RIPOR2: variants seen among roughly 807,000 people sequenced by gnomAD.
RIPOR2 encodes the protein RHO family interacting cell polarization regulator 2.
A neutral mutation model predicts 114.5 loss-of-function variants in RIPOR2; 39 were observed. That is an observed-to-expected ratio of 0.34 (90% confidence interval 0.26 to 0.44). RIPOR2 has a LOEUF of 0.44. Ranked by LOEUF, RIPOR2 falls within the 20% of genes least tolerant of loss-of-function variation. RIPOR2 has a pLI of 1.00. For synonymous variants in RIPOR2, 445 were observed against 484.4 expected (o/e 0.92, Z 1.07); for missense variants, 1,007 against 1,255.1 (o/e 0.80, Z 2.99).
rs534528713 is a variant in RIPOR2, at chr6:25,018,788, C to T, written c.76+23063G>A. On this transcript the variant is annotated intron_variant, in intron 1 of 13. Transcript: ENST00000510784. ...CTGAAGCACGTGCCTAGCTGTCCTA[C>T]TTATCATGATATTAAGATTGATTTG... 3.0e-4 allele frequency among the ~76,000 whole-genome samples: 45 copies of T among 152,274 alleles called. No homozygotes were observed. In the South Asian group the frequency reaches 3.1e-3, roughly 11 times the overall value.
At chr6:24,884,622 G>A (rs1208892645) in intron 1 of RIPOR2, among the ~76,000 whole-genome samples, 1 of 152,200 alleles carries the variant, frequency 6.6e-6, no homozygotes, top group Non-Finnish European at 1.5e-5. Context: ...ACCAGGGCCA[G>A]ATGTTCTAAC....
chr6:24,839,313 C>T (rs954318494), intron 13 of RIPOR2, 41 bp from the exon 14 acceptor site: 3 of 1,513,984 alleles, frequency 2.0e-6, no homozygotes, highest in East Asian at 2.5e-5. Flanking sequence ...TCAACATATC[C>T]GGAAAGAGAA....
chr6:25,036,915 A>G (rs143080278), intron 1 of RIPOR2, among the ~76,000 whole-genome samples: 685 of 152,240 alleles, frequency 4.5e-3, no homozygotes, highest in African/African-American at 0.015. Context: ...ATGTGAGGGT[A>G]GGGTGCCTGG....
rs181585692 is a variant in RIPOR2 at position 24,909,378 on chromosome 6, T to C, written c.61+26460A>G. Among the ~76,000 whole-genome samples the C allele has an allele frequency of 1.2e-4, 19 of 152,124 alleles. No homozygotes were observed. In the East Asian group the frequency reaches 3.5e-3, roughly 28 times the overall value. On this transcript the variant is annotated intron_variant, in intron 1 of 21. Coordinates refer to ENST00000643898, the MANE Select transcript of RIPOR2 (RefSeq NM_001286445.3). ...GTTCGTGGCTGACATCCCCTGCTTG[T>C]GACAGCAGCTAAAATACAATTTGAG...
At chr6:24,914,292 C>T (rs556900035) in intron 1 of RIPOR2, among the ~76,000 whole-genome samples, 1 of 152,084 alleles carries the variant, frequency 6.6e-6, no homozygotes, top group Non-Finnish European at 1.5e-5. Flanking sequence ...GCCGAGATTA[C>T]GTCACTGCGC....
chr6:24,841,070 A>G (rs1379899965), intron 13 of RIPOR2, among the ~76,000 whole-genome samples: 1 of 152,222 alleles, frequency 6.6e-6, no homozygotes, highest in African/African-American at 2.4e-5. Context: ...GAACAACAGC[A>G]GACTGAAATA....
chr6:24,807,821 C>T (rs1474132554), intron 21 of RIPOR2, among the ~76,000 whole-genome samples: 1 of 152,192 alleles, frequency 6.6e-6, no homozygotes, highest in Non-Finnish European at 1.5e-5. Context: ...TAAGTGCCCG[C>T]AATGACCTTC....
intron 1 of RIPOR2, among the ~76,000 whole-genome samples, chr6:24,978,711 C>A (rs1164281729): frequency 6.6e-6 from 1 of 152,144 alleles, no homozygotes; most frequent in Non-Finnish European, 1.5e-5. Context: ...AGTTGTGAGG[C>A]CTTCGGCAGG....
rs1304084825 is a variant in RIPOR2 at position 24,973,635 on chromosome 6, T to A, written c.76+68216A>T. 2.7e-5 allele frequency among the ~76,000 whole-genome samples: 4 copies of A among 149,358 alleles called. No individual in the cohort carries two copies. The East Asian group carries it at 5.9e-4, about 22-fold the overall frequency. On this transcript the variant is annotated intron_variant, in intron 1 of 13. Transcript: ENST00000510784. Reference sequence around the variant, plus strand: ...AAGTCATCCTTCTACCAAAAAGACATATGCACTCACATGTTCATCACAGCA... The same window carrying A: ...AAGTCATCCTTCTACCAAAAAGACAAATGCACTCACATGTTCATCACAGCA...
chr6:24,841,409 C>T lies in RIPOR2; in HGVS notation c.1857+1453G>A, dbSNP rs142781008. ...GTAGATTCAGAGTGCCCTTCTGTTT[C>T]TCGGAGGCTATGCCATCAACTGAAC... On this transcript the variant is annotated intron_variant, in intron 13 of 21. Transcript: ENST00000643898. 1.2e-3 allele frequency among the ~76,000 whole-genome samples: 188 copies of T among 152,134 alleles called. 1 individual carries two copies. Among genetic ancestry groups the T allele is most frequent in the Non-Finnish European group, 2.4e-3 (163 of 68,004 alleles).
intron 1 of RIPOR2, among the ~76,000 whole-genome samples, chr6:25,022,575 G>GTTTT (rs1776386079): frequency 2.4e-4 from 7 of 29,226 alleles, no homozygotes; most frequent in South Asian, 1.5e-3. Flanking sequence ...TTTTAGACAG[G>GTTTT]TTCTTGTTCT....
chr6:25,007,468 A>G (rs1285077752), intron 1 of RIPOR2, among the ~76,000 whole-genome samples: 1 of 152,234 alleles, frequency 6.6e-6, no homozygotes, highest in African/African-American at 2.4e-5. Context: ...TGACATACTG[A>G]AAAATGTTAC....
At position 24,927,171 on chromosome 6, in the gene RIPOR2, C is replaced by CACCACCACCACCACTACAACTACAGTT. The variant is rs1770956466; in HGVS notation, c.61+8666_61+8667insAACTGTAGTTGTAGTGGTGGTGGTGGT. Among the ~76,000 whole-genome samples, 2 of 4,606 alleles carry CACCACCACCACCACTACAACTACAGTT rather than the reference C, an allele frequency of 4.3e-4. 1 individual carries two copies. Among genetic ancestry groups the CACCACCACCACCACTACAACTACAGTT allele is most frequent in the Non-Finnish European group, 9.6e-4 (2 of 2,074 alleles). 3.0% of individuals were successfully genotyped at this position (4,606 alleles called of 152,430 possible). A position where few individuals can be genotyped will look rare whatever the true frequency, so the allele number is the denominator to read the frequency against. On this transcript the variant is annotated intron_variant, in intron 1 of 21. Transcript: ENST00000643898. Reference sequence around the variant, plus strand: ...CCACCACCACCACCACAACTACAATCACCACCACCATGACCACCACCACAA... The same window carrying CACCACCACCACCACTACAACTACAGTT: ...CCACCACCACCACCACAACTACAATCACCACCACCACCACTACAACTACAGTTACCACCACCATGACCACCACCACAA...
intron 1 of RIPOR2, among the ~76,000 whole-genome samples, chr6:24,882,152 G>A (rs893203389): frequency 5.3e-5 from 8 of 152,180 alleles, no homozygotes; most frequent in African/African-American, 1.7e-4. Context: ...ACGGGGAAAT[G>A]TTTGGAATGT....
chr6:24,952,534 A>T (rs1278743671), intron 1 of RIPOR2, among the ~76,000 whole-genome samples: 3 of 152,260 alleles, frequency 2.0e-5, no homozygotes, highest in Non-Finnish European at 4.4e-5. Context: ...GATGCACAGT[A>T]GCACACCATT....
chr6:24,809,889 G>T, intron 20 of RIPOR2, 82 bp from the exon 21 acceptor site: 1 of 913,320 alleles, frequency 1.1e-6, no homozygotes, highest in South Asian at 1.4e-5. Context: ...CAACTGGTGG[G>T]AACTTTAGCC....
At chr6:24,999,102 A>G (rs1775179812) in intron 1 of RIPOR2, among the ~76,000 whole-genome samples, 1 of 152,164 alleles carries the variant, frequency 6.6e-6, no homozygotes, top group African/African-American at 2.4e-5. Flanking sequence ...GAGACAGGAA[A>G]CTTACAGGGT....
chr6:24,970,352 T>C (rs1773726054), intron 1 of RIPOR2, among the ~76,000 whole-genome samples: 1 of 152,116 alleles, frequency 6.6e-6, no homozygotes, highest in Non-Finnish European at 1.5e-5. Flanking sequence ...GAGGATTATT[T>C]AGGGAAACTC....
chr6:24,839,177 A>C lies in RIPOR2; in HGVS notation c.1953T>G (p.Phe651Leu). ...CCTCATCACCATCCTCCTCCTCGTC[A>C]AAATCAGAGGTGTTCAGGAAATCAA... ...ESFDFLNTSD[F>L]DEEEDGDEVC... Residue 651 changes from phenylalanine to leucine, a missense_variant, in exon 14 of 22, where the codon TTT becomes TTG. By Grantham distance (22) the Phe-to-Leu change is conservative. Coordinates refer to ENST00000643898, the MANE Select transcript of RIPOR2 (RefSeq NM_001286445.3). 2 of 1,551,714 alleles carry C rather than the reference A, an allele frequency of 1.3e-6. No homozygotes were observed. Among genetic ancestry groups the C allele is most frequent in the South Asian group, 1.2e-5 (1 of 84,056 alleles).
Sources: allele counts gnomAD v4.1 joint callset (sites outside exome capture counted in the v4.1 genomes callset), GRCh38; gene constraint gnomAD v4.1.1; transcripts MANE v1.5; gene names NCBI Gene and HGNC (gene_info 2026-07-23, HGNC 2026-07-21).